Variants in SLC22A23 observed in about 807,000 individuals in gnomAD.
SLC22A23 encodes ion transporter protein.
A neutral mutation model predicts 61.0 loss-of-function variants in SLC22A23; 26 were observed. The ratio of observed to expected loss-of-function variants is 0.43; its 90% CI spans 0.31 to 0.59. The LOEUF is 0.59. Ranked by LOEUF, SLC22A23 falls within the 20% of genes least tolerant of loss-of-function variation. The pLI is 0.11. For synonymous variants in SLC22A23, 430 were observed against 413.9 expected (o/e 1.04, Z -0.47); for missense variants, 796 against 934.7 (o/e 0.85, Z 1.94).
At chr6:3,294,175 C>T (rs1298381654) in intron 5 of SLC22A23, among the ~76,000 whole-genome samples, 1 of 152,144 alleles carries the variant, frequency 6.6e-6, no homozygotes, top group South Asian at 2.1e-4. Flanking sequence ...GGCTCCTCTC[C>T]CTCATGAAGC....
chr6:3,281,196 G>T (rs183960965), intron 9 of SLC22A23, among the ~76,000 whole-genome samples: 3 of 152,336 alleles, frequency 2.0e-5, no homozygotes, highest in African/African-American at 7.2e-5. Context: ...ATGTCAAGCT[G>T]GGAGATGGGC....
At chr6:3,455,824 A>G (rs1772370731) in intron 1 of SLC22A23, 82 bp downstream of exon 1, 13 of 1,428,162 alleles carry the variant, frequency 9.1e-6, no homozygotes, top group Non-Finnish European at 1.2e-5. Context: ...CACTTTGGGG[A>G]CTTCGGTTCT....
At position 3,437,145 on chromosome 6, in the gene SLC22A23, GA is replaced by G. The variant is rs1260692987; in HGVS notation, c.654+18760del. On this transcript the variant is annotated intron_variant, in intron 1 of 9. Coordinates refer to ENST00000406686, the MANE Select transcript of SLC22A23 (RefSeq NM_015482.2). ...ACTTATCTAAGACTCTGCCCCAAAA[GA>G]ACTATAGTTATAAACGATGAACAAC... 4.6e-5 allele frequency among the ~76,000 whole-genome samples: 7 copies of G among 152,078 alleles called. No individual in the cohort carries two copies. In the East Asian group the frequency reaches 1.4e-3, roughly 29 times the overall value.
Position 3,404,761 on chromosome 6 carries a change from G to C in SLC22A23, c.913+5427C>G, listed in dbSNP as rs574734890. Among the ~76,000 whole-genome samples, 5 of 152,248 alleles carry C rather than the reference G, an allele frequency of 3.3e-5. No individual in the cohort carries two copies. In the East Asian group the frequency reaches 7.7e-4, roughly 24 times the overall value. On this transcript the variant is annotated intron_variant, in intron 3 of 9. Transcript: ENST00000406686. ...TCTGACTGCTCAGAGGTGGGATAAGGGAAGACAGTGGGGTACAGAGCAAAT... is the reference window on the plus strand; with the variant it reads ...TCTGACTGCTCAGAGGTGGGATAAGCGAAGACAGTGGGGTACAGAGCAAAT...
In SLC22A23 at chr6:3,452,593, G is replaced by A. The variant is rs555000117; in HGVS notation, c.654+3313C>T. 4.0e-5 allele frequency among the ~76,000 whole-genome samples: 4 copies of A among 99,048 alleles called. No homozygotes were observed. In the East Asian group the frequency reaches 1.3e-3, roughly 33 times the overall value. The allele number at this position is 99,048 out of a possible 152,430, so 65.0% of individuals were successfully genotyped here. ...TCCAGCCTGGGCAACAGAGCCAGAC[G>A]CTGTCTAAAAAAAAAAAAAAAAAAA... On this transcript the variant is annotated intron_variant, in intron 1 of 9. Coordinates refer to ENST00000406686, the MANE Select transcript of SLC22A23 (RefSeq NM_015482.2).
chr6:3,282,078 G>C (rs1442009216), intron 9 of SLC22A23, among the ~76,000 whole-genome samples: 1 of 152,134 alleles, frequency 6.6e-6, no homozygotes, highest in African/African-American at 2.4e-5. Context: ...GTACCCGCTA[G>C]CCACCCCCTC....
At chr6:3,283,358 G>T (rs968603778) in intron 9 of SLC22A23, 6 of 179,950 alleles carry the variant, frequency 3.3e-5, no homozygotes, top group African/African-American at 1.4e-4. Flanking sequence ...CCTGAACTTG[G>T]GAGGCAGAGG....
At chr6:3,396,302 C>T (rs1767999567) in intron 3 of SLC22A23, among the ~76,000 whole-genome samples, 1 of 152,206 alleles carries the variant, frequency 6.6e-6, no homozygotes, top group Admixed American at 6.5e-5. Context: ...GTGGCTTATG[C>T]CTGTAATCCC....
chr6:3,289,411 G>A (rs1054869989), intron 6 of SLC22A23, among the ~76,000 whole-genome samples: 1 of 152,246 alleles, frequency 6.6e-6, no homozygotes, highest in Non-Finnish European at 1.5e-5. Flanking sequence ...AAGGCCTCAT[G>A]GGTCTCAAAT....
rs527973261 is a variant in SLC22A23 at position 3,386,239 on chromosome 6, G to A, written c.913+23949C>T. On this transcript the variant is annotated intron_variant, in intron 3 of 9. Coordinates refer to ENST00000406686, the MANE Select transcript of SLC22A23 (RefSeq NM_015482.2). The surrounding 1 kb of genome is among the most constrained non-coding windows in gnomAD (Gnocchi z 4.4). The stretch of plus-strand genomic sequence containing the variant: ...AAGCCAGTGTGCCCTGACAGTGCAC[G>A]GTTAGGGGTTTAGAAACCCAAGGCA... Among the ~76,000 whole-genome samples, 5 of 152,308 alleles carry A rather than the reference G, an allele frequency of 3.3e-5. No individual in the cohort carries two copies. Among genetic ancestry groups the A allele is most frequent in the Middle Eastern group, 6.8e-3 (2 of 294 alleles).
intron 3 of SLC22A23, among the ~76,000 whole-genome samples, chr6:3,357,056 CAAAAAAAAAAAAA>C (rs66509026): frequency 1.4e-4 from 12 of 86,066 alleles, no homozygotes; most frequent in East Asian, 1.1e-3. Flanking sequence ...AAAACAGAGC[CAAAAAAAAAAAAA>C]AAAAAAAAAA....
chr6:3,279,380 G>A (rs1368737010), intron 9 of SLC22A23, among the ~76,000 whole-genome samples: 2 of 151,136 alleles, frequency 1.3e-5, no homozygotes, highest in Non-Finnish European at 3.0e-5. Flanking sequence ...GTGTGGTGGC[G>A]CGTGCACGTA....
intron 4 of SLC22A23, among the ~76,000 whole-genome samples, chr6:3,320,204 C>T (rs551653696): frequency 5.8e-4 from 89 of 152,296 alleles, no homozygotes; most frequent in Non-Finnish European, 1.2e-3. Flanking sequence ...CACCTGGGAA[C>T]TTCCCCTTCT....
chr6:3,447,024 CAG>C (rs1252721938), intron 1 of SLC22A23, among the ~76,000 whole-genome samples: 1 of 152,208 alleles, frequency 6.6e-6, no homozygotes, highest in African/African-American at 2.4e-5. Context: ...TCACTGCAGC[CAG>C]AGAGGTCTTT....
rs535661627 is a variant in SLC22A23, at chr6:3,442,757, C to T, written c.654+13149G>A. On this transcript the variant is annotated intron_variant, in intron 1 of 9. Coordinates refer to ENST00000406686, the MANE Select transcript of SLC22A23 (RefSeq NM_015482.2). ...TAAAATGATTCTAAGAAATAAAGCA[C>T]GACTGTTAGCTAGTTGAATTAAATT... Among the ~76,000 whole-genome samples the T allele has an allele frequency of 9.1e-4, 138 of 152,090 alleles. 4 individuals are homozygous for T. In the South Asian group the frequency reaches 0.026, roughly 29 times the overall value.
rs1769534486 is a variant in SLC22A23, at chr6:3,414,613, T to C, written c.758+1139A>G. Among the ~76,000 whole-genome samples, 2 of 151,004 alleles carry C rather than the reference T, an allele frequency of 1.3e-5. No homozygotes were observed. Among genetic ancestry groups the C allele is most frequent in the South Asian group, 4.2e-4 (2 of 4,774 alleles). On this transcript the variant is annotated intron_variant, in intron 2 of 9. Coordinates refer to ENST00000406686, the MANE Select transcript of SLC22A23 (RefSeq NM_015482.2). This position sits in a 1 kb window ranked among gnomAD's most constrained non-coding sequence, Gnocchi z 5.1. Reference sequence around the variant, plus strand: ...CTGCTGTCCGCCCAGGCACTTGCCTTGGCCAGCATTCTCAGTTAACTGAGG... The same window carrying C: ...CTGCTGTCCGCCCAGGCACTTGCCTCGGCCAGCATTCTCAGTTAACTGAGG...
chr6:3,434,138 A>G (rs1771050402), intron 1 of SLC22A23, among the ~76,000 whole-genome samples: 1 of 151,918 alleles, frequency 6.6e-6, no homozygotes, highest in Non-Finnish European at 1.5e-5. Flanking sequence ...ACATGGTGAA[A>G]CCCCATCTCT....
At position 3,269,216 on chromosome 6, in the gene SLC22A23, CAG is replaced by C. The variant is rs1758318492; in HGVS notation, c.*3837_*3838del. The stretch of plus-strand genomic sequence containing the variant: ...TGGTCTGAGAGTGGCACTTGGTAAA[CAG>C]TGTGTGTTTAATCCAGCCTCTGCCT... On this transcript the variant is annotated 3_prime_UTR_variant, in exon 10 of 10. Transcript: ENST00000406686. The C allele has an allele frequency of 6.6e-6, 1 of 152,262 alleles. No homozygotes were observed. The highest frequency in any genetic ancestry group is 1.5e-5 in the Non-Finnish European group (1 of 68,028). The allele number at this position is 152,262 out of a possible 1,614,324, so 9.4% of individuals were successfully genotyped here. A position where few individuals can be genotyped will look rare whatever the true frequency, so the allele number is the denominator to read the frequency against.
At chr6:3,453,793 T>C (rs1772263712) in intron 1 of SLC22A23, among the ~76,000 whole-genome samples, 1 of 152,214 alleles carries the variant, frequency 6.6e-6, no homozygotes, top group Admixed American at 6.5e-5. Context: ...TTTTATCCAC[T>C]GAAAGAAGGC....
Sources: allele counts gnomAD v4.1 joint callset (sites outside exome capture counted in the v4.1 genomes callset), GRCh38; gene constraint gnomAD v4.1.1; non-coding constraint Gnocchi (gnomAD v3.1); transcripts MANE v1.5; gene names NCBI Gene and HGNC (gene_info 2026-07-23, HGNC 2026-07-21).